Variants in ATP2B3 observed in about 807,000 individuals in gnomAD.
ATP2B3 encodes the protein plasma membrane calcium-transporting ATPase 3.
Under a neutral mutation model 70.8 loss-of-function variants are expected in ATP2B3, and 12 were observed. The ratio of observed to expected loss-of-function variants is 0.17; its 90% confidence interval spans 0.11 to 0.27. The LOEUF (loss-of-function observed/expected upper bound fraction) is 0.27. Ranked by LOEUF, ATP2B3 falls within the 10% of genes least tolerant of loss-of-function variation. ATP2B3 has a pLI of 1.00. For synonymous variants in ATP2B3, 460 were observed against 497.8 expected (o/e 0.92, Z 1.01); for missense variants, 858 against 1,118.5 (o/e 0.77, Z 3.32).
intron 2 of ATP2B3, among the ~76,000 whole-genome samples, chrX:153,529,123 C>T (rs2090076474): frequency 8.9e-6 from 1 of 112,585 alleles, no homozygotes; most frequent in South Asian, 3.6e-4. Context: ...CCCAGGTGAC[C>T]TGGCCAGCCC....
intron 9 of ATP2B3, 115 bp downstream of exon 9, chrX:153,548,114 T>TCATAAAAAAA: frequency 1.0e-6 from 1 of 987,716 alleles, no homozygotes; most frequent in Non-Finnish European, 1.3e-6. Context: ...TGGCAGGTGA[T>TCATAAAAAAA]GTGTGGGCCA....
At chrX:153,571,200 G>A (rs1288808210) in intron 21 of ATP2B3, among the ~76,000 whole-genome samples, 1 of 112,338 alleles carries the variant, frequency 8.9e-6, no homozygotes, top group Non-Finnish European at 1.9e-5. Context: ...GGGCCTCGCC[G>A]CCACTCCACC....
chrX:153,519,844 C>T (rs1278037424), intron 2 of ATP2B3, among the ~76,000 whole-genome samples: 1 of 112,203 alleles, frequency 8.9e-6, no homozygotes, highest in South Asian at 3.7e-4. Context: ...GGGAGGGGGC[C>T]TTGCACAGGG....
At chrX:153,576,376 CG>C (rs1217250774) in intron 21 of ATP2B3, among the ~76,000 whole-genome samples, 2 of 111,572 alleles carry the variant, frequency 1.8e-5, no homozygotes, top group African/African-American at 6.5e-5. Flanking sequence ...CCACAGGACA[CG>C]TGGATGTCTG....
intron 2 of ATP2B3, among the ~76,000 whole-genome samples, chrX:153,524,961 G>A (rs1015801537): frequency 4.5e-5 from 5 of 111,784 alleles, no homozygotes; most frequent in East Asian, 2.8e-4. Context: ...GTGGGGTGGC[G>A]GCTGGCTCTG....
intron 21 of ATP2B3, among the ~76,000 whole-genome samples, chrX:153,578,949 G>T (rs2090890862): frequency 8.9e-6 from 1 of 112,715 alleles, no homozygotes; most frequent in African/African-American, 3.2e-5. Context: ...GCTTTAGTGG[G>T]TGCAAATCAA....
At chrX:153,568,047 C>A (rs1054214218) in intron 21 of ATP2B3, among the ~76,000 whole-genome samples, 1 of 111,974 alleles carries the variant, frequency 8.9e-6, no homozygotes, top group Non-Finnish European at 1.9e-5. Flanking sequence ...TTGGGAACCA[C>A]AAAATCGCTC....
Position 153,559,842 on chromosome X carries a change from G to A in ATP2B3, c.2739G>A (p.Pro913=), listed in dbSNP as rs782092782. Residue 913 remains proline (P), a synonymous_variant, in exon 18 of 22, where the codon CCG becomes CCA. Coordinates refer to ENST00000263519, the MANE Select transcript of ATP2B3 (RefSeq NM_001001344.3). ...CAGAGTCGCTGCTGCTGCGGAAGCC[G>A]TACGGCCGCGACAAGCCCCTCATCT... ...PPTESLLLRK[P]YGRDKPLISR... 28 of 1,211,878 alleles carry A rather than the reference G, an allele frequency of 2.3e-5. No homozygotes were observed. Among genetic ancestry groups the A allele is most frequent in the Admixed American group, 6.5e-5 (3 of 46,104 alleles).
In ATP2B3 at chrX:153,547,944, G is replaced by A; in HGVS notation, c.1068G>A (p.Glu356=). 1 of 1,211,524 alleles carries A rather than the reference G, an allele frequency of 8.3e-7. No individual in the cohort carries two copies. Among genetic ancestry groups the A allele is most frequent in the Non-Finnish European group, 1.1e-6 (1 of 895,259 alleles). ...AGAAAGCCAACGCACCCAAAAAGGA[G>A]AAGTCTGTCCTTCAGGGGAAGCTCA... is the stretch of plus-strand genomic sequence containing the variant. The part of the protein sequence containing the change: ...EKKKANAPKK[E]KSVLQGKLTK... The change falls in exon 9 of 22, where the codon GAG becomes GAA. Residue 356 remains glutamate, a synonymous_variant. Transcript: ENST00000263519.
chrX:153,524,320 C>G (rs2090000467), intron 2 of ATP2B3, among the ~76,000 whole-genome samples: 1 of 110,439 alleles, frequency 9.1e-6, no homozygotes, highest in Admixed American at 9.7e-5. Context: ...GATTAGCAAG[C>G]TTTTTCTGCA....
intron 19 of ATP2B3, 124 bp from the exon 20 acceptor site, chrX:153,562,011 C>G (rs963479011): frequency 1.6e-6 from 1 of 611,280 alleles, no homozygotes; most frequent in African/African-American, 2.2e-5. Context: ...GTGGTCCTCT[C>G]GCAAGGAGCA....
intron 21 of ATP2B3, among the ~76,000 whole-genome samples, chrX:153,566,600 C>G (rs2090710584): frequency 9.0e-6 from 1 of 110,928 alleles, no homozygotes; most frequent in African/African-American, 3.3e-5. Flanking sequence ...CAGCTCAGCC[C>G]CTCCAACACC....
In ATP2B3 at chrX:153,541,774, C is replaced by T. The variant is rs1557006556; in HGVS notation, c.512C>T (p.Thr171Met). 4.1e-6 allele frequency: 5 copies of T among 1,211,677 alleles called. No individual in the cohort carries two copies. The highest frequency in any genetic ancestry group is 4.3e-5 in the Admixed American group (2 of 46,041). ...TCCGTCATCTGTGTGGTGCTGGTCA[C>T]GGCCTTCAATGACTGGAGCAAGGAG... ...LLSVICVVLV[T>M]AFNDWSKEKQ... is the part of the protein sequence containing the mutation. The change falls in exon 5 of 22, where the codon ACG becomes ATG. Residue 171 changes from threonine (T) to methionine (M), a missense_variant. By Grantham distance (81) the Thr-to-Met change is moderately conservative. Coordinates refer to ENST00000263519, the MANE Select transcript of ATP2B3 (RefSeq NM_001001344.3).
intron 20 of ATP2B3, among the ~76,000 whole-genome samples, chrX:153,563,961 A>G (rs1557017225): frequency 1.8e-5 from 2 of 112,623 alleles, no homozygotes; most frequent in African/African-American, 6.4e-5. Context: ...AGAACTCCAG[A>G]TGCCCATCAT....
intron 2 of ATP2B3, among the ~76,000 whole-genome samples, chrX:153,526,972 C>G (rs782597625): frequency 1.8e-5 from 2 of 112,466 alleles, no homozygotes; most frequent in Non-Finnish European, 3.8e-5. Flanking sequence ...GGGACTCGTT[C>G]CCTAGGAGGA....
chrX:153,520,345 T>G (rs1390439794), intron 2 of ATP2B3, among the ~76,000 whole-genome samples: 2 of 112,435 alleles, frequency 1.8e-5, no homozygotes, highest in Non-Finnish European at 3.8e-5. Context: ...CTGGGCCTCT[T>G]GCAGCCAGCA....
chrX:153,573,715 G>A (rs782124575), intron 21 of ATP2B3, among the ~76,000 whole-genome samples: 1 of 112,843 alleles, frequency 8.9e-6, no homozygotes, highest in East Asian at 2.8e-4. Context: ...TGGAGGTCCC[G>A]CAGCTGGATT....
chrX:153,549,158 G>A (rs990442149), intron 10 of ATP2B3, among the ~76,000 whole-genome samples: 9 of 99,284 alleles, frequency 9.1e-5, no homozygotes, highest in Non-Finnish European at 1.8e-4. Context: ...AGAGGGCCCG[G>A]GACACTGGGA....
intron 5 of ATP2B3, 131 bp downstream of exon 5, chrX:153,542,057 G>A: frequency 2.8e-5 from 18 of 645,071 alleles, no homozygotes; most frequent in South Asian, 1.6e-4. Context: ...CTTAGGAGGC[G>A]GGAGGTGGCG....
Sources: gnomAD v4.1 joint callset for allele counts (sites outside exome capture counted in the v4.1 genomes callset) on GRCh38, gnomAD v4.1.1 for gene constraint, MANE v1.5 for transcripts, NCBI Gene and HGNC (gene_info 2026-07-23, HGNC 2026-07-21) for gene names.